The following STXBP5L variants were observed in gnomAD, a reference collection of about 807,000 sequenced individuals.
The protein encoded by STXBP5L is syntaxin binding protein 5L, also known as syntaxin-binding protein 5-like.
A neutral mutation model predicts 144.5 loss-of-function variants in STXBP5L; 65 were observed. The observed-to-expected ratio is 0.45, with a 90% confidence interval of 0.37 to 0.55. The LOEUF (loss-of-function observed/expected upper bound fraction) is 0.55, where lower values mean the gene tolerates loss of function less well. Ranked by LOEUF, STXBP5L falls within the 20% of genes least tolerant of loss-of-function variation. STXBP5L has a pLI of 0.00. For missense variants in STXBP5L, 1,298 were observed against 1,405.5 expected (o/e 0.92, Z 1.22); for synonymous variants, 505 against 469.6 (o/e 1.08, Z -0.97).
intron 9 of STXBP5L, among the ~76,000 whole-genome samples, chr3:121,201,717 A>C (rs2048146803): frequency 6.6e-6 from 1 of 151,892 alleles, no homozygotes; most frequent in Admixed American, 6.6e-5. Flanking sequence ...CCTGGTGGTG[A>C]CAATATCCCT....
intron 20 of STXBP5L, among the ~76,000 whole-genome samples, chr3:121,325,747 A>C (rs1003508047): frequency 6.6e-6 from 1 of 152,038 alleles, no homozygotes; most frequent in African/African-American, 2.4e-5. Context: ...AATTATAATC[A>C]ACATTTGTAT....
At chr3:121,234,643 G>A (rs2108318937) in intron 12 of STXBP5L, among the ~76,000 whole-genome samples, 1 of 151,706 alleles carries the variant, frequency 6.6e-6, no homozygotes, top group African/African-American at 2.4e-5. Flanking sequence ...TACTCTTCAA[G>A]TTGTTTGTAA....
intron 3 of STXBP5L, among the ~76,000 whole-genome samples, chr3:120,986,423 A>G (rs1225862220): frequency 1.3e-5 from 2 of 151,904 alleles, no homozygotes; most frequent in Non-Finnish European, 2.9e-5. Context: ...CTCTCTTTAT[A>G]TTCTATCTGG....
chr3:121,208,189 T>A (rs1339092716), intron 10 of STXBP5L, among the ~76,000 whole-genome samples: 2 of 152,060 alleles, frequency 1.3e-5, no homozygotes, highest in African/African-American at 4.8e-5. Flanking sequence ...TGTAGGGACA[T>A]GGATGAAGCT....
chr3:121,104,100 AATC>A (rs2043568696), intron 5 of STXBP5L, among the ~76,000 whole-genome samples: 1 of 152,178 alleles, frequency 6.6e-6, no homozygotes, highest in Admixed American at 6.5e-5. Context: ...TCTATATGTC[AATC>A]ATCATATGAA....
chr3:121,284,904 T>G (rs556639611), intron 19 of STXBP5L, among the ~76,000 whole-genome samples: 1 of 152,236 alleles, frequency 6.6e-6, no homozygotes, highest in African/African-American at 2.4e-5. Context: ...GAATGATTGA[T>G]ATTGTATATT....
chr3:120,938,863 G>T (rs1305579018), intron 2 of STXBP5L, among the ~76,000 whole-genome samples: 2 of 151,978 alleles, frequency 1.3e-5, no homozygotes, highest in East Asian at 1.9e-4. Flanking sequence ...TCACTGCAGT[G>T]TCGAACTCCT....
intron 3 of STXBP5L, among the ~76,000 whole-genome samples, chr3:121,006,684 G>A (rs1409375227): frequency 6.6e-6 from 1 of 152,142 alleles, no homozygotes; most frequent in East Asian, 1.9e-4. Context: ...TGCAGTGGCT[G>A]GTGCCAGTTT....
chr3:121,327,895 A>G (rs1041906925), intron 20 of STXBP5L, among the ~76,000 whole-genome samples: 1 of 152,232 alleles, frequency 6.6e-6, no homozygotes, highest in African/African-American at 2.4e-5. Context: ...CAACTGGATT[A>G]CATATGGTAC....
intron 13 of STXBP5L, among the ~76,000 whole-genome samples, chr3:121,239,340 A>G (rs1207166513): frequency 6.6e-6 from 1 of 150,930 alleles, no homozygotes; most frequent in South Asian, 2.1e-4. Flanking sequence ...CAGAAGGTAT[A>G]TAATTATATA....
chr3:121,124,723 A>ATTTTT, intron 7 of STXBP5L, among the ~76,000 whole-genome samples: 1 of 152,006 alleles, frequency 6.6e-6, no homozygotes, highest in Non-Finnish European at 1.5e-5. Flanking sequence ...AATATAGACA[A>ATTTTT]ATTTTCTTCC....
chr3:121,341,492 A>G (rs1372296618), intron 20 of STXBP5L, among the ~76,000 whole-genome samples: 2 of 152,100 alleles, frequency 1.3e-5, no homozygotes, highest in East Asian at 3.8e-4. Context: ...CAGCTACCAT[A>G]TGATACAGCA....
chr3:121,210,824 G>A (rs555449373), intron 10 of STXBP5L, among the ~76,000 whole-genome samples: 1 of 152,202 alleles, frequency 6.6e-6, no homozygotes, highest in East Asian at 1.9e-4. Flanking sequence ...TGCTGTTTTG[G>A]TTACTGTAGC....
chr3:121,252,668 A>C (rs1260262116), intron 15 of STXBP5L, among the ~76,000 whole-genome samples: 1 of 152,234 alleles, frequency 6.6e-6, no homozygotes, highest in Non-Finnish European at 1.5e-5. Context: ...AATTTGAATA[A>C]CTGAGTTTAT....
At chr3:121,328,032 C>T (rs2108551386) in intron 20 of STXBP5L, among the ~76,000 whole-genome samples, 1 of 152,128 alleles carries the variant, frequency 6.6e-6, no homozygotes, top group South Asian at 2.1e-4. Flanking sequence ...TAAATAAGCC[C>T]GTTATAATTC....
At chr3:121,017,915 A>C (rs1945256350) in intron 3 of STXBP5L, among the ~76,000 whole-genome samples, 1 of 151,978 alleles carries the variant, frequency 6.6e-6, no homozygotes, top group African/African-American at 2.4e-5. Context: ...CCAGTTTCTA[A>C]ACAAAACCAA....
At chr3:120,922,809 A>G (rs763375854) in intron 2 of STXBP5L, among the ~76,000 whole-genome samples, 17 of 151,822 alleles carry the variant, frequency 1.1e-4, no homozygotes, top group South Asian at 2.1e-4. Context: ...TTAATCAGGG[A>G]TACTGGCCTG....
At chr3:121,168,545 C>G (rs1030546384) in intron 9 of STXBP5L, among the ~76,000 whole-genome samples, 10 of 152,230 alleles carry the variant, frequency 6.6e-5, no homozygotes, top group Middle Eastern at 3.4e-3. Flanking sequence ...GTGAAGCATA[C>G]ACAAGTATCA....
chr3:121,210,863 G>A (rs557107217), intron 10 of STXBP5L, among the ~76,000 whole-genome samples: 84 of 152,274 alleles, frequency 5.5e-4, no homozygotes, highest in Middle Eastern at 3.4e-3. Flanking sequence ...GTCAAGTAGT[G>A]TGATGCCTCC....
Sources: allele counts gnomAD v4.1 joint callset (sites outside exome capture counted in the v4.1 genomes callset), GRCh38; gene constraint gnomAD v4.1.1; transcripts MANE v1.5; gene names NCBI Gene and HGNC (gene_info 2026-07-23, HGNC 2026-07-21).